The following PCDHGA6 variants were observed in gnomAD, a reference collection of about 807,000 sequenced individuals.
PCDHGA6 encodes the protein protocadherin gamma subfamily A, 6, also known as protocadherin gamma-A6.
Under a neutral mutation model 60.6 loss-of-function variants are expected in PCDHGA6, and 41 were observed. The ratio of observed to expected loss-of-function variants is 0.68; its 90% CI spans 0.53 to 0.88. The LOEUF (loss-of-function observed/expected upper bound fraction) is 0.88, where lower values mean the gene tolerates loss of function less well. PCDHGA6 is among the 40% of genes least tolerant of loss of function. The probability of loss-of-function intolerance (pLI) is 0.00; values close to 1 mark genes in which losing one functional copy is unlikely to be tolerated. For synonymous variants in PCDHGA6, 594 were observed against 524.4 expected (o/e 1.13, Z -1.81); for missense variants, 1,312 against 1,203.0 (o/e 1.09, Z -1.34).
At chr5:141,390,506 T>A in intron 1 of PCDHGA6, 1 of 598,006 alleles carries the variant, frequency 1.7e-6, no homozygotes, top group Non-Finnish European at 2.9e-6. Context: ...CAAGCTTAGA[T>A]TTATAAAGCA....
rs746906389 is a variant in PCDHGA6 at position 141,384,782 on chromosome 5, C to T, written c.2424+8275C>T. The T allele has an allele frequency of 5.0e-6, 8 of 1,613,640 alleles. No individual in the cohort carries two copies. The highest frequency in any genetic ancestry group is 5.9e-6 in the Non-Finnish European group (7 of 1,179,944). On this transcript the variant is annotated intron_variant, in intron 1 of 3. Transcript: ENST00000517434. The stretch of plus-strand genomic sequence containing the variant: ...GGGCTGTACACGGGCGAGGTGCGCA[C>T]GGCTCGGGCCCTGCTGGACAGAGAT...
chr5:141,423,943 G>GA, intron 1 of PCDHGA6: 1 of 1,211,382 alleles, frequency 8.3e-7, no homozygotes, highest in Non-Finnish European at 1.0e-6. Flanking sequence ...GAAGTAAGTT[G>GA]AATTTTAGTA....
rs1771348524 is a variant in PCDHGA6 at position 141,375,326 on chromosome 5, G to C, written c.1243G>C (p.Val415Leu). Residue 415 changes from valine to leucine, a missense_variant, in exon 1 of 4, where the codon GTA becomes CTA. Val to Leu is a conservative substitution (Grantham distance 32). Transcript: ENST00000517434. ...AAATGCAGCTCTAGACCGGGAAGAG[G>C]TATTCTTGTACAACATCACTGTGAC... ...VTNAALDREE[V>L]FLYNITVTAT... 1 of 1,613,776 alleles carries C rather than the reference G, an allele frequency of 6.2e-7. No individual in the cohort carries two copies.
chr5:141,410,086 G>C (rs759204005), intron 1 of PCDHGA6: 1 of 1,612,588 alleles, frequency 6.2e-7, no homozygotes, highest in Non-Finnish European at 8.5e-7. Flanking sequence ...AGGTGCGCAC[G>C]GCTCGAGCCT....
rs1387919696 is a variant in PCDHGA6 at position 141,384,415 on chromosome 5, TCC to T, written c.2424+7909_2424+7910del. On this transcript the variant is annotated intron_variant, in intron 1 of 3. Coordinates refer to ENST00000517434, the MANE Select transcript of PCDHGA6 (RefSeq NM_018919.3). ...GGGGGCTCCAGTGTCCTCCTATGTC[TCC>T]ATAAACTCTGACACTGGAGTCCTGT... is the stretch of plus-strand genomic sequence containing the variant. The T allele has an allele frequency of 2.5e-6, 4 of 1,613,776 alleles. No homozygotes were observed. In the East Asian group the frequency reaches 8.9e-5, roughly 36 times the overall value.
At chr5:141,407,347 TG>T (rs1273387665) in intron 1 of PCDHGA6, among the ~76,000 whole-genome samples, 1 of 152,176 alleles carries the variant, frequency 6.6e-6, no homozygotes, top group Non-Finnish European at 1.5e-5. Flanking sequence ...TATGTTAATT[TG>T]GGGAAAACAT....
intron 1 of PCDHGA6, chr5:141,421,791 TG>T (rs1561796446): frequency 6.2e-7 from 1 of 1,613,792 alleles, no homozygotes; most frequent in Non-Finnish European, 8.5e-7. Flanking sequence ...GCAGAACGGA[TG>T]GGGCCAAGAA....
Position 141,374,036 on chromosome 5 carries a change from T to A in PCDHGA6, c.-48T>A, listed in dbSNP as rs1197277740. On this transcript the variant is annotated 5_prime_UTR_variant, in exon 1 of 4. Coordinates refer to ENST00000517434, the MANE Select transcript of PCDHGA6 (RefSeq NM_018919.3). The stretch of plus-strand genomic sequence containing the variant: ...CTGAGAAGAGCAAAAGTGATGCAGA[T>A]CTGTTCTTCCTCTTCTTAATCCCAG... 3.5e-6 allele frequency: 5 copies of A among 1,445,796 alleles called. No individual in the cohort carries two copies. In the Admixed American group the frequency reaches 1.1e-4, roughly 32 times the overall value. 89.6% of individuals were successfully genotyped at this position (1,445,796 alleles called of 1,614,324 possible). A position where few individuals can be genotyped will look rare whatever the true frequency, so the allele number is the denominator to read the frequency against.
chr5:141,511,823 GC>G lies in PCDHGA6; in HGVS notation c.*653del, dbSNP rs2099883963. On this transcript the variant is annotated 3_prime_UTR_variant, in exon 4 of 4. Coordinates refer to ENST00000517434, the MANE Select transcript of PCDHGA6 (RefSeq NM_018919.3). The stretch of plus-strand genomic sequence containing the variant: ...TTTTGCTACCAAGCCTCTTCCCAAC[GC>G]CCTGGGGACCAGTCTTCTGTTTTGT... The G allele has an allele frequency of 6.4e-6, 1 of 156,728 alleles. No individual in the cohort carries two copies. The highest frequency in any genetic ancestry group is 1.9e-4 in the South Asian group (1 of 5,164). 9.7% of individuals were successfully genotyped at this position (156,728 alleles called of 1,614,324 possible).
intron 1 of PCDHGA6, chr5:141,427,931 G>C: frequency 6.3e-7 from 1 of 1,583,764 alleles, no homozygotes; most frequent in Non-Finnish European, 8.6e-7. Flanking sequence ...GGCGCATGTT[G>C]GTGGGCGACC....
rs1297899765 is a variant in PCDHGA6, at chr5:141,431,815, C to T, written c.2424+55308C>T. ...CCCCAGAAGTGGTCCTCACCTCTCTCGCCAGCTCGGTTCCCGAAAACTCTC... is the reference window on the plus strand; with the variant it reads ...CCCCAGAAGTGGTCCTCACCTCTCTTGCCAGCTCGGTTCCCGAAAACTCTC... On this transcript the variant is annotated intron_variant, in intron 1 of 3. Transcript: ENST00000517434. The surrounding 1 kb of genome is among the most constrained non-coding windows in gnomAD (Gnocchi z 4.8). 5 of 1,614,124 alleles carry T rather than the reference C, an allele frequency of 3.1e-6. No homozygotes were observed. The Admixed American group carries it at 5.0e-5, about 16-fold the overall frequency.
In PCDHGA6 at chr5:141,376,224, T is replaced by A; in HGVS notation, c.2141T>A (p.Leu714His). ...FLAFVIVLLA[L>H]RLQRWHKSRL... ...GCCTTCGTCATCGTGCTGCTGGCGC[T>A]CAGACTGCAGCGCTGGCACAAGTCA... Residue 714 changes from leucine (L) to histidine (H), a missense_variant, in exon 1 of 4, where the codon CTC becomes CAC. Leu to His is a moderately conservative substitution (Grantham distance 99). Transcript: ENST00000517434. 6.2e-7 allele frequency: 1 copy of A among 1,614,156 alleles called. No individual in the cohort carries two copies. The highest frequency in any genetic ancestry group is 1.7e-5 in the Admixed American group (1 of 60,026).
Position 141,392,253 on chromosome 5 carries a change from T to C in PCDHGA6, c.2424+15746T>C, listed in dbSNP as rs1051019631. ...GTTCTTAGTTATTTGTTAGTATATATTGGAGACATTTACAATAAAGCTTAG... is the reference window on the plus strand; with the variant it reads ...GTTCTTAGTTATTTGTTAGTATATACTGGAGACATTTACAATAAAGCTTAG... On this transcript the variant is annotated intron_variant, in intron 1 of 3. Transcript: ENST00000517434. 3.9e-5 allele frequency: 6 copies of C among 152,218 alleles called. No individual in the cohort carries two copies. The South Asian group carries it at 6.2e-4, about 16-fold the overall frequency. The allele number at this position is 152,218 out of a possible 1,614,324, so 9.4% of individuals were successfully genotyped here. A position where few individuals can be genotyped will look rare whatever the true frequency, so the allele number is the denominator to read the frequency against.
rs756770023 is a variant in PCDHGA6 at position 141,383,289 on chromosome 5, T to C, written c.2424+6782T>C. ...AAATAATAGATATTAATGACAACGT[T>C]CCAAGATTCTTGACGGAAGAAATAA... On this transcript the variant is annotated intron_variant, in intron 1 of 3. Coordinates refer to ENST00000517434, the MANE Select transcript of PCDHGA6 (RefSeq NM_018919.3). The C allele has an allele frequency of 1.9e-6, 3 of 1,613,914 alleles. No individual in the cohort carries two copies. In the South Asian group the frequency reaches 3.3e-5, roughly 18 times the overall value.
intron 1 of PCDHGA6, among the ~76,000 whole-genome samples, chr5:141,472,516 G>T (rs545962540): frequency 2.0e-5 from 3 of 152,072 alleles, no homozygotes; most frequent in Non-Finnish European, 4.4e-5. Flanking sequence ...CTCCAGCCTG[G>T]GTGACAGAGT....
At chr5:141,398,287 C>G in intron 1 of PCDHGA6, 1 of 1,396,196 alleles carries the variant, frequency 7.2e-7, no homozygotes, top group Non-Finnish European at 9.8e-7. Flanking sequence ...CGCCACGGAC[C>G]TGGGGTTCAG....
intron 2 of PCDHGA6, among the ~76,000 whole-genome samples, chr5:141,497,706 A>G (rs2099778850): frequency 6.6e-6 from 1 of 151,956 alleles, no homozygotes; most frequent in Middle Eastern, 3.2e-3. Flanking sequence ...CACCCAGCTC[A>G]TTTTTGTATT....
intron 1 of PCDHGA6, chr5:141,418,787 G>A: frequency 6.2e-7 from 1 of 1,613,794 alleles, no homozygotes; most frequent in Non-Finnish European, 8.5e-7. Context: ...TTTGGATTTT[G>A]AAGAAGTAGA....
At chr5:141,467,906 A>T (rs917983299) in intron 1 of PCDHGA6, among the ~76,000 whole-genome samples, 5 of 152,002 alleles carry the variant, frequency 3.3e-5, no homozygotes, top group African/African-American at 9.7e-5. Flanking sequence ...AAATCCGCCC[A>T]CCTCAGCCTC....
Sources: gnomAD v4.1 joint callset for allele counts (sites outside exome capture counted in the v4.1 genomes callset) on GRCh38, gnomAD v4.1.1 for gene constraint, Gnocchi (gnomAD v3.1) non-coding constraint, MANE v1.5 for transcripts, NCBI Gene and HGNC (gene_info 2026-07-23, HGNC 2026-07-21) for gene names.